The following DCC variants were observed in gnomAD, a reference collection of about 807,000 sequenced individuals.
DCC encodes the protein DCC netrin 1 receptor.
In DCC, 58 loss-of-function variants were observed where a neutral mutation model predicts 172.5. That is an observed-to-expected ratio of 0.34 (90% CI 0.27 to 0.42). DCC has a LOEUF of 0.42. DCC is among the 10% of genes least tolerant of loss of function. DCC has a pLI of 1.00. For missense variants in DCC, 1,740 were observed against 1,791.0 expected (o/e 0.97, Z 0.51); for synonymous variants, 709 against 644.5 (o/e 1.10, Z -1.52).
intron 15 of DCC, among the ~76,000 whole-genome samples, chr18:53,356,276 T>A (rs2057876967): frequency 3.3e-5 from 5 of 152,126 alleles, no homozygotes. Flanking sequence ...ATAATAACAC[T>A]TTCATTGTTC....
chr18:53,023,802 T>C (rs1192131909), intron 5 of DCC, among the ~76,000 whole-genome samples: 1 of 152,252 alleles, frequency 6.6e-6, no homozygotes, highest in East Asian at 1.9e-4. Context: ...GCCTCACTTA[T>C]GTGTGGATTG....
At chr18:52,418,733 C>A (rs1277238779) in intron 1 of DCC, among the ~76,000 whole-genome samples, 1 of 152,014 alleles carries the variant, frequency 6.6e-6, no homozygotes, top group African/African-American at 2.4e-5. Context: ...GAGCTGCTGG[C>A]GCATGTCATA....
intron 2 of DCC, among the ~76,000 whole-genome samples, chr18:52,859,287 G>C (rs1385685999): frequency 6.6e-6 from 1 of 152,152 alleles, no homozygotes; most frequent in Non-Finnish European, 1.5e-5. Context: ...ATCCTGTAGA[G>C]GCCAGGGGAA....
chr18:52,985,866 T>C (rs1315945686), intron 5 of DCC, among the ~76,000 whole-genome samples: 1 of 152,168 alleles, frequency 6.6e-6, no homozygotes, highest in African/African-American at 2.4e-5. Flanking sequence ...CTTGGACTTC[T>C]CCCTAAAACT....
At chr18:53,424,846 A>G (rs536116816) in intron 21 of DCC, among the ~76,000 whole-genome samples, 6 of 152,224 alleles carry the variant, frequency 3.9e-5, no homozygotes, top group South Asian at 4.2e-4. Flanking sequence ...GGCTTTTGCT[A>G]TTTCTCTCTG....
At chr18:52,814,430 A>G (rs983452845) in intron 2 of DCC, among the ~76,000 whole-genome samples, 1 of 152,228 alleles carries the variant, frequency 6.6e-6, no homozygotes, top group African/African-American at 2.4e-5. Flanking sequence ...GAGAAAGAGA[A>G]CTCTGACACC....
intron 2 of DCC, among the ~76,000 whole-genome samples, chr18:52,846,714 G>A (rs1473657846): frequency 6.6e-6 from 1 of 151,236 alleles, no homozygotes; most frequent in Non-Finnish European, 1.5e-5. Context: ...TGGTGTGTCA[G>A]GTCTGACCCT....
chr18:52,969,952 G>T (rs2041002758), intron 5 of DCC, among the ~76,000 whole-genome samples: 2 of 152,056 alleles, frequency 1.3e-5, no homozygotes, highest in Non-Finnish European at 2.9e-5. Context: ...TTGCAATGTT[G>T]TCAGAGAAGA....
intron 2 of DCC, among the ~76,000 whole-genome samples, chr18:52,793,442 C>G (rs1033138682): frequency 6.6e-6 from 1 of 152,274 alleles, no homozygotes; most frequent in Middle Eastern, 3.4e-3. Context: ...ACTCCCATAC[C>G]CTTACCATCT....
At chr18:53,519,405 C>G (rs1318441189) in intron 27 of DCC, among the ~76,000 whole-genome samples, 1 of 152,018 alleles carries the variant, frequency 6.6e-6, no homozygotes. Flanking sequence ...GGAAACGTTT[C>G]ATCTTTCAAG....
chr18:52,434,895 C>A (rs1471185699), intron 1 of DCC, among the ~76,000 whole-genome samples: 1 of 152,174 alleles, frequency 6.6e-6, no homozygotes, highest in African/African-American at 2.4e-5. Flanking sequence ...AGCATATATT[C>A]CTCATACCAG....
intron 5 of DCC, among the ~76,000 whole-genome samples, chr18:52,942,071 C>T (rs919668567): frequency 6.6e-6 from 1 of 152,230 alleles, no homozygotes; most frequent in Non-Finnish European, 1.5e-5. Context: ...GTGTGAGCCA[C>T]TGCGCCTGGC....
At chr18:53,315,286 C>G (rs575130530) in intron 13 of DCC, among the ~76,000 whole-genome samples, 2 of 152,288 alleles carry the variant, frequency 1.3e-5, no homozygotes, top group South Asian at 4.1e-4. Context: ...CTGCAAAGGA[C>G]ATGAACCCAT....
intron 1 of DCC, among the ~76,000 whole-genome samples, chr18:52,426,708 C>A (rs973302958): frequency 1.3e-5 from 2 of 152,002 alleles, no homozygotes; most frequent in African/African-American, 2.4e-5. Context: ...TTGTTGCCAG[C>A]ATGTAAATAG....
intron 7 of DCC, among the ~76,000 whole-genome samples, chr18:53,112,187 A>G (rs8083719): frequency 0.69 from 104,443 of 151,240 alleles, 37,883 homozygotes; most frequent in African/African-American, 0.9. Flanking sequence ...AATGCATTTT[A>G]GGACATAAAA....
At chr18:52,747,405 C>A (rs1334499204) in intron 1 of DCC, among the ~76,000 whole-genome samples, 1 of 152,218 alleles carries the variant, frequency 6.6e-6, no homozygotes, top group African/African-American at 2.4e-5. Flanking sequence ...TAGGTTTTCA[C>A]CTGGATGAAA....
chr18:53,204,414 G>A (rs1348233111), intron 9 of DCC, among the ~76,000 whole-genome samples: 1 of 151,982 alleles, frequency 6.6e-6, no homozygotes. Flanking sequence ...GGTCATGATG[G>A]TGCATGCTTG....
rs1213445130 is a variant in DCC at position 52,732,295 on chromosome 18, A to T, written c.92-19759A>T. On this transcript the variant is annotated intron_variant, in intron 1 of 28. Coordinates refer to ENST00000442544, the MANE Select transcript of DCC (RefSeq NM_005215.4). ...CTTGGATTGGAGAGAGAGTACTAAT[A>T]GCACTCTAAAGTCACTGGATAACCA... Among the ~76,000 whole-genome samples the T allele has an allele frequency of 3.3e-5, 5 of 152,308 alleles. No individual in the cohort carries two copies. In the East Asian group the frequency reaches 9.7e-4, roughly 29 times the overall value.
intron 1 of DCC, among the ~76,000 whole-genome samples, chr18:52,578,947 C>T (rs907025704): frequency 1.3e-5 from 2 of 152,146 alleles, no homozygotes; most frequent in Non-Finnish European, 2.9e-5. Context: ...CGCCACTGCA[C>T]TCCAGCCCAG....
Sources: allele counts gnomAD v4.1 joint callset (sites outside exome capture counted in the v4.1 genomes callset), GRCh38; gene constraint gnomAD v4.1.1; transcripts MANE v1.5; gene names NCBI Gene and HGNC (gene_info 2026-07-23, HGNC 2026-07-21).